STX2: variants seen among roughly 807,000 people sequenced by gnomAD.
STX2 encodes syntaxin 2.
STX2 carries 27 observed loss-of-function variants against 40.6 expected under a neutral mutation model. The ratio of observed to expected loss-of-function variants is 0.66; its 90% CI spans 0.49 to 0.92. STX2 has a LOEUF of 0.92. Ranked by LOEUF, STX2 falls within the 40% of genes least tolerant of loss-of-function variation. STX2 has a pLI of 0.00. For missense variants in STX2, 328 were observed against 366.1 expected, an observed-to-expected ratio of 0.90 and a Z score of 0.85; for synonymous variants, 123 against 119.1, an observed-to-expected ratio of 1.03 and a Z score of -0.22.
At chr12:130,793,081 A>G (rs1950924568) in intron 10 of STX2, among the ~76,000 whole-genome samples, 1 of 152,118 alleles carries the variant, frequency 6.6e-6, no homozygotes, top group East Asian at 1.9e-4. Flanking sequence ...GAGTGCTTTT[A>G]CCTAAGAAAT....
intron 1 of STX2, 30 bp downstream of exon 1, chr12:130,839,040 C>G: frequency 7.6e-7 from 1 of 1,315,178 alleles, no homozygotes; most frequent in South Asian, 1.8e-5. Context: ...CCCGGCCGGG[C>G]CTGAACCGCT....
At chr12:130,808,007 C>A (rs1212449578) in intron 5 of STX2, among the ~76,000 whole-genome samples, 1 of 152,246 alleles carries the variant, frequency 6.6e-6, no homozygotes, top group African/African-American at 2.4e-5. Context: ...CCACCAAAAA[C>A]TAACTCTAAA....
intron 1 of STX2, among the ~76,000 whole-genome samples, chr12:130,831,455 C>T (rs1416659107): frequency 1.3e-5 from 2 of 152,106 alleles, no homozygotes; most frequent in Non-Finnish European, 2.9e-5. Flanking sequence ...ACTTAAGCTC[C>T]AGAGTTTGAG....
chr12:130,833,753 T>C (rs146743314), intron 1 of STX2, among the ~76,000 whole-genome samples: 61 of 152,298 alleles, frequency 4.0e-4, no homozygotes, highest in African/African-American at 1.5e-3. Context: ...CTTTAGCTGA[T>C]GGGTTTCTGT....
chr12:130,814,564 G>A (rs1951786060), intron 3 of STX2, among the ~76,000 whole-genome samples: 1 of 151,932 alleles, frequency 6.6e-6, no homozygotes, highest in African/African-American at 2.4e-5. Flanking sequence ...TTTACTGAGG[G>A]CACCAGTCAG....
Position 130,827,281 on chromosome 12 carries a change from T to G in STX2, c.31-14A>C. ...ATTCTTCCTACACTACAATGAAAAA[T>G]GGAAAATTCAGTTTTTTAAAATTTT... On this transcript the variant is annotated splice_polypyrimidine_tract_variant and intron_variant, in intron 1 of 10. Transcript: ENST00000392373. 5 of 1,611,022 alleles carry G rather than the reference T, an allele frequency of 3.1e-6. No homozygotes were observed. Among genetic ancestry groups the G allele is most frequent in the Non-Finnish European group, 4.2e-6 (5 of 1,178,012 alleles).
chr12:130,811,231 G>A (rs1027417572), intron 4 of STX2, among the ~76,000 whole-genome samples: 2 of 151,778 alleles, frequency 1.3e-5, no homozygotes, highest in African/African-American at 2.4e-5. Context: ...GGTGGCGGGC[G>A]CCTGTAGTCC....
intron 1 of STX2, among the ~76,000 whole-genome samples, chr12:130,831,440 G>C (rs1353003390): frequency 6.6e-6 from 1 of 152,198 alleles, no homozygotes; most frequent in Non-Finnish European, 1.5e-5. Context: ...TTAACTGGGA[G>C]GATCACTTAA....
intron 5 of STX2, among the ~76,000 whole-genome samples, chr12:130,808,271 G>A (rs564650273): frequency 1.3e-5 from 2 of 152,192 alleles, no homozygotes; most frequent in South Asian, 2.1e-4. Flanking sequence ...AAGCCTCACA[G>A]CAGTGTGGCC....
At chr12:130,826,187 T>A (rs2136333176) in intron 2 of STX2, among the ~76,000 whole-genome samples, 1 of 152,320 alleles carries the variant, frequency 6.6e-6, no homozygotes, top group East Asian at 1.9e-4. Context: ...CTCTAGGCAC[T>A]TGCCTCAGGA....
At chr12:130,812,395 G>C (rs759226107) in intron 4 of STX2, 27 of 454,200 alleles carry the variant, frequency 5.9e-5, no homozygotes, top group South Asian at 4.0e-4. Context: ...TGTGGAGCTG[G>C]GGGGTCGGCT....
At chr12:130,823,312 T>C (rs554650977) in intron 2 of STX2, among the ~76,000 whole-genome samples, 1 of 151,652 alleles carries the variant, frequency 6.6e-6, no homozygotes, top group East Asian at 1.9e-4. Context: ...ACCCTGCTCT[T>C]AAAAACAAAA....
Position 130,796,038 on chromosome 12 carries a change from C to T in STX2, c.*2G>A, listed in dbSNP as rs751987834. 5.6e-6 allele frequency: 9 copies of T among 1,614,044 alleles called. No individual in the cohort carries two copies. The Admixed American group carries it at 1.0e-4, about 18-fold the overall frequency. ...GCATGCACACTGACGTTATCCACAC[C>T]ATCATTTGCCAACTGACAAGCCAAT... is the stretch of plus-strand genomic sequence containing the variant. On this transcript the variant is annotated 3_prime_UTR_variant, in exon 10 of 11. Transcript: ENST00000392373.
At chr12:130,825,337 T>C (rs1299114282) in intron 2 of STX2, among the ~76,000 whole-genome samples, 1 of 152,214 alleles carries the variant, frequency 6.6e-6, no homozygotes, top group Non-Finnish European at 1.5e-5. Context: ...GGGCCCGGCC[T>C]GCACTATGTG....
At chr12:130,814,115 G>A (rs941208172) in intron 3 of STX2, among the ~76,000 whole-genome samples, 7 of 152,110 alleles carry the variant, frequency 4.6e-5, no homozygotes, top group South Asian at 2.1e-4. Context: ...AGCCTGGCTC[G>A]TCCAGGGTTT....
At chr12:130,808,050 T>A (rs138783250) in intron 5 of STX2, among the ~76,000 whole-genome samples, 112 of 152,270 alleles carry the variant, frequency 7.4e-4, no homozygotes, top group African/African-American at 2.6e-3. Context: ...CCTGACAATG[T>A]ACATTAGCCG....
At chr12:130,796,187 T>C in intron 9 of STX2, 67 bp from the exon 10 acceptor site, 1 of 1,593,676 alleles carries the variant, frequency 6.3e-7, no homozygotes, top group Admixed American at 1.7e-5. Context: ...TTAAAAGACA[T>C]CCTTCATTTA....
intron 1 of STX2, among the ~76,000 whole-genome samples, chr12:130,829,689 A>G (rs1007321769): frequency 6.6e-6 from 1 of 152,212 alleles, no homozygotes; most frequent in African/African-American, 2.4e-5. Flanking sequence ...CTAGCTGGGC[A>G]CGGGGTCTCA....
At chr12:130,838,471 G>C (rs1952813337) in intron 1 of STX2, among the ~76,000 whole-genome samples, 1 of 152,182 alleles carries the variant, frequency 6.6e-6, no homozygotes, top group African/African-American at 2.4e-5. Context: ...CAAACTACTG[G>C]GAGATCAGAC....
Sources: gnomAD v4.1 joint callset for allele counts (sites outside exome capture counted in the v4.1 genomes callset) on GRCh38, gnomAD v4.1.1 for gene constraint, MANE v1.5 for transcripts, NCBI Gene and HGNC (gene_info 2026-07-23, HGNC 2026-07-21) for gene names.